Variants in ZMPSTE24 observed in about 807,000 individuals in gnomAD.
ZMPSTE24 encodes the protein zinc metallopeptidase STE24.
Under a neutral mutation model 56.7 loss-of-function variants are expected in ZMPSTE24, and 48 were observed. The observed-to-expected ratio is 0.85, with a 90% CI of 0.67 to 1.08. The LOEUF (loss-of-function observed/expected upper bound fraction) is 1.08, where lower values mean the gene tolerates loss of function less well. Ranked by LOEUF, ZMPSTE24 falls within the 50% of genes least tolerant of loss-of-function variation. The pLI is 0.00. For synonymous variants in ZMPSTE24, 172 were observed against 195.2 expected, an observed-to-expected ratio of 0.88 and a Z score of 0.99; for missense variants, 503 against 548.7, an observed-to-expected ratio of 0.92 and a Z score of 0.83.
chr1:40,281,399 C>G lies in ZMPSTE24; in HGVS notation c.826C>G (p.Arg276Gly), dbSNP rs138606746. ...TTTTTATGGCTTCTTCAAGAACAAG[C>G]GAATAGTTTTGTTTGACACTCTACT... is the stretch of plus-strand genomic sequence containing the variant. ...AYFYGFFKNK[R>G]IVLFDTLLEE... Residue 276 changes from arginine to glycine, a missense_variant, in exon 7 of 10, where the codon CGA becomes GGA. Coordinates refer to ENST00000372759, the MANE Select transcript of ZMPSTE24 (RefSeq NM_005857.5). 1 of 1,614,022 alleles carries G rather than the reference C, an allele frequency of 6.2e-7. No homozygotes were observed. Among genetic ancestry groups the G allele is most frequent in the Non-Finnish European group, 8.5e-7 (1 of 1,180,000 alleles).
intron 5 of ZMPSTE24, 137 bp downstream of exon 5, chr1:40,270,264 T>C (rs1376678914): frequency 9.3e-7 from 1 of 1,071,996 alleles, no homozygotes; most frequent in Non-Finnish European, 1.4e-6. Context: ...CCCCTTGGTT[T>C]CTGCTTTTGA....
At chr1:40,267,914 T>C (rs1643571937) in intron 3 of ZMPSTE24, 42 bp downstream of exon 3, 2 of 1,564,982 alleles carry the variant, frequency 1.3e-6, no homozygotes, top group African/African-American at 1.4e-5. Context: ...GTATTTCTTT[T>C]AGCTTGGCAG....
intron 4 of ZMPSTE24, among the ~76,000 whole-genome samples, chr1:40,269,073 C>CAAAAA (rs60201234): frequency 3.7e-4 from 17 of 46,100 alleles, no homozygotes; most frequent in Non-Finnish European, 5.2e-4. Context: ...GACTCCGTCT[C>CAAAAA]AAAAAAAAAA....
intron 8 of ZMPSTE24, among the ~76,000 whole-genome samples, chr1:40,287,093 G>T (rs1316472756): frequency 1.4e-5 from 2 of 146,428 alleles, no homozygotes; most frequent in South Asian, 2.1e-4. Flanking sequence ...TTGAAATGGG[G>T]TCTCTCTCTG....
chr1:40,272,078 G>A (rs2124583330), intron 6 of ZMPSTE24, 43 bp downstream of exon 6: 1 of 1,537,966 alleles, frequency 6.5e-7, no homozygotes, highest in Non-Finnish European at 8.7e-7. Context: ...CAAGTGGTTT[G>A]TTTTATTTGA....
intron 9 of ZMPSTE24, among the ~76,000 whole-genome samples, chr1:40,291,484 T>G (rs554422895): frequency 6.6e-5 from 10 of 152,268 alleles, no homozygotes; most frequent in African/African-American, 2.4e-4. Flanking sequence ...AAATGAAACT[T>G]AAGAACATTG....
At chr1:40,272,823 AG>A (rs1180028355) in intron 6 of ZMPSTE24, among the ~76,000 whole-genome samples, 1 of 152,226 alleles carries the variant, frequency 6.6e-6, no homozygotes, top group African/African-American at 2.4e-5. Flanking sequence ...ATCTTGGACA[AG>A]TGACTTCACC....
chr1:40,265,266 A>G (rs1199578952), intron 2 of ZMPSTE24, among the ~76,000 whole-genome samples: 2 of 152,212 alleles, frequency 1.3e-5, no homozygotes, highest in Non-Finnish European at 2.9e-5. Context: ...GCTGAAAGAA[A>G]TACCATCCCA....
intron 1 of ZMPSTE24, among the ~76,000 whole-genome samples, chr1:40,260,055 C>CTTTTTTTT (rs11383054): frequency 5.9e-5 from 5 of 84,336 alleles, no homozygotes; most frequent in East Asian, 3.7e-4. Flanking sequence ...GATCTTTCTC[C>CTTTTTTTT]TTTTTTTTTT....
chr1:40,267,338 T>TACAGGCATGAGCCACCG (rs1409548149), intron 2 of ZMPSTE24, among the ~76,000 whole-genome samples: 1 of 65,268 alleles, frequency 1.5e-5, no homozygotes. Context: ...TTTTGTTATT[T>TACAGGCATGAGCCACCG]TATTTTATTT....
chr1:40,261,511 T>C (rs1490652148), intron 2 of ZMPSTE24, among the ~76,000 whole-genome samples: 1 of 151,940 alleles, frequency 6.6e-6, no homozygotes, highest in Non-Finnish European at 1.5e-5. Flanking sequence ...CACCATACCG[T>C]CTCAGAGTGC....
At chr1:40,284,579 C>G (rs1324437696) in intron 7 of ZMPSTE24, among the ~76,000 whole-genome samples, 2 of 151,896 alleles carry the variant, frequency 1.3e-5, no homozygotes, top group African/African-American at 4.8e-5. Flanking sequence ...TGGTGAAACC[C>G]TGTCTCTACT....
chr1:40,281,553 C>A, intron 7 of ZMPSTE24, 26 bp downstream of exon 7: 1 of 1,606,366 alleles, frequency 6.2e-7, no homozygotes, highest in South Asian at 1.1e-5. Flanking sequence ...CTAAGAGATT[C>A]TACCTTAGTT....
At chr1:40,262,294 A>G (rs570533129) in intron 2 of ZMPSTE24, among the ~76,000 whole-genome samples, 4 of 152,350 alleles carry the variant, frequency 2.6e-5, no homozygotes, top group African/African-American at 4.8e-5. Context: ...GAAAATGGCA[A>G]TGCTTCTAGA....
intron 5 of ZMPSTE24, among the ~76,000 whole-genome samples, chr1:40,271,250 A>T (rs527733308): frequency 3.2e-4 from 49 of 152,224 alleles, no homozygotes; most frequent in Non-Finnish European, 6.0e-4. Flanking sequence ...TTTAGTCTGA[A>T]TTACATAATG....
At chr1:40,279,124 G>A (rs1643701697) in intron 6 of ZMPSTE24, among the ~76,000 whole-genome samples, 1 of 152,178 alleles carries the variant, frequency 6.6e-6, no homozygotes, top group Admixed American at 6.5e-5. Flanking sequence ...CTAGACGACA[G>A]AGAGACCCTG....
chr1:40,283,291 G>A (rs1037226953), intron 7 of ZMPSTE24, among the ~76,000 whole-genome samples: 2 of 152,050 alleles, frequency 1.3e-5, no homozygotes, highest in African/African-American at 4.8e-5. Flanking sequence ...ATAACTTGAG[G>A]CCAGGAGTTC....
Position 40,292,509 on chromosome 1 carries a change from A to G in ZMPSTE24, c.1268A>G (p.Lys423Arg), listed in dbSNP as rs1569671597. 3.1e-6 allele frequency: 5 copies of G among 1,614,160 alleles called. No homozygotes were observed. The highest frequency in any genetic ancestry group is 1.6e-4 in the Middle Eastern group (1 of 6,062). Residue 423 changes from lysine to arginine, a missense_variant, in exon 10 of 10, where the codon AAG (lysine) becomes AGG (arginine). Transcript: ENST00000372759. ...GAGTTTCAAGCTGATGCATTTGCCA[A>G]GAAACTTGGGAAGGCTAAAGACTTA... ...RFEFQADAFA[K>R]KLGKAKDLYS...
chr1:40,287,668 C>CT (rs1451248403), intron 8 of ZMPSTE24, among the ~76,000 whole-genome samples: 1 of 146,414 alleles, frequency 6.8e-6, no homozygotes, highest in Non-Finnish European at 1.5e-5. Flanking sequence ...GAGTGAGACT[C>CT]TGTCTCAAAA....
Sources: gnomAD v4.1 joint callset for allele counts (sites outside exome capture counted in the v4.1 genomes callset) on GRCh38, gnomAD v4.1.1 for gene constraint, MANE v1.5 for transcripts, NCBI Gene and HGNC (gene_info 2026-07-23, HGNC 2026-07-21) for gene names.